Variants in DRC11 observed in about 807,000 individuals in gnomAD.
The protein encoded by DRC11 is dynein regulatory complex subunit 11, also known as IQ and AAA domain-containing protein 1.
chr2:236,326,391 T>C, the DRC11 span, among the ~76,000 whole-genome samples: 2 of 152,234 alleles, frequency 1.3e-5, no homozygotes. Context: ...TTATGGATTT[T>C]ACCTTCTTGT....
At chr2:236,333,495 T>C in the DRC11 span, 1 of 153,540 alleles carries the variant, frequency 6.5e-6, no homozygotes, top group Non-Finnish European at 1.5e-5. The surrounding 1 kb of genome is among the most constrained non-coding windows in gnomAD (Gnocchi z 6.0). Context: ...CGGGTCTGAG[T>C]GGCGACTCTG....
the DRC11 span, among the ~76,000 whole-genome samples, chr2:236,318,984 C>T: frequency 6.6e-6 from 1 of 152,156 alleles, no homozygotes; most frequent in East Asian, 1.9e-4. This position sits in a 1 kb window ranked among gnomAD's most constrained non-coding sequence, Gnocchi z 7.0. Flanking sequence ...ACGTGCAGGG[C>T]ACCCCCAAAG....
the DRC11 span, among the ~76,000 whole-genome samples, chr2:236,443,023 C>A: frequency 6.6e-6 from 1 of 152,158 alleles, no homozygotes; most frequent in Non-Finnish European, 1.5e-5. The surrounding 1 kb of genome is among the most constrained non-coding windows in gnomAD (Gnocchi z 4.4). Flanking sequence ...TGGAGACAAT[C>A]TTCACGTTTT....
chr2:236,368,481 GC>G, the DRC11 span: 2 of 569,426 alleles, frequency 3.5e-6, no homozygotes, highest in Non-Finnish European at 6.3e-6. Flanking sequence ...TTGAAGAAAA[GC>G]TATCCAGGCA....
chr2:236,319,749 G>A, the DRC11 span, among the ~76,000 whole-genome samples: 1 of 152,164 alleles, frequency 6.6e-6, no homozygotes, highest in Non-Finnish European at 1.5e-5. This position sits in a 1 kb window ranked among gnomAD's most constrained non-coding sequence, Gnocchi z 6.7. Flanking sequence ...TTATATAGGC[G>A]CTAGGTGCAG....
the DRC11 span, among the ~76,000 whole-genome samples, chr2:236,424,661 T>G: frequency 6.7e-6 from 1 of 150,352 alleles, no homozygotes; most frequent in Non-Finnish European, 1.5e-5. Flanking sequence ...TTGTGTGTGA[T>G]GAGAACATTT....
At chr2:236,397,132 C>T in the DRC11 span, among the ~76,000 whole-genome samples, 16 of 152,322 alleles carry the variant, frequency 1.1e-4, no homozygotes, top group East Asian at 7.7e-4. This position sits in a 1 kb window ranked among gnomAD's most constrained non-coding sequence, Gnocchi z 5.0. Flanking sequence ...GCGTGTGTAG[C>T]GATCTGGTTT....
the DRC11 span, among the ~76,000 whole-genome samples, chr2:236,355,576 C>G: frequency 7.9e-5 from 12 of 152,140 alleles, no homozygotes; most frequent in Non-Finnish European, 1.8e-4. Context: ...TCCTGTGTCC[C>G]TCTCCCCATG....
chr2:236,433,070 A>C, the DRC11 span, among the ~76,000 whole-genome samples: 1 of 151,150 alleles, frequency 6.6e-6, no homozygotes, highest in African/African-American at 2.4e-5. Flanking sequence ...TTCCGTATGT[A>C]TTTGGGTCTA....
chr2:236,320,808 CTCCCTCCGCCGG>C, the DRC11 span, among the ~76,000 whole-genome samples: 11,125 of 151,698 alleles, frequency 0.073, 591 homozygotes, highest in Non-Finnish European at 0.11. Context: ...GAGTCTACAG[CTCCCTCCGCCGG>C]TCCCTCCGCC....
the DRC11 span, among the ~76,000 whole-genome samples, chr2:236,458,322 T>A: frequency 1.3e-4 from 20 of 152,212 alleles, no homozygotes; most frequent in East Asian, 3.9e-3. Context: ...TATCACACAA[T>A]CTAGAAAATT....
At chr2:236,395,036 G>T in the DRC11 span, among the ~76,000 whole-genome samples, 1 of 152,204 alleles carries the variant, frequency 6.6e-6, no homozygotes, top group Non-Finnish European at 1.5e-5. Context: ...AATCACAAAG[G>T]TGGTAAATTT....
the DRC11 span, among the ~76,000 whole-genome samples, chr2:236,491,190 A>ATATATATATATATATATACACACAG: frequency 1.8e-4 from 6 of 33,920 alleles, no homozygotes; most frequent in African/African-American, 1.1e-3. Flanking sequence ...TACACACAGT[A>ATATATATATATATATATACACACAG]TATATATATA....
the DRC11 span, among the ~76,000 whole-genome samples, chr2:236,490,184 A>G: frequency 6.6e-6 from 1 of 152,184 alleles, no homozygotes; most frequent in Non-Finnish European, 1.5e-5. This position sits in a 1 kb window ranked among gnomAD's most constrained non-coding sequence, Gnocchi z 5.5. Context: ...CAGATGTCAG[A>G]TGCTTTTTTT....
At chr2:236,308,777 C>T in the DRC11 span, among the ~76,000 whole-genome samples, 3 of 152,288 alleles carry the variant, frequency 2.0e-5, no homozygotes, top group East Asian at 5.8e-4. This position sits in a 1 kb window ranked among gnomAD's most constrained non-coding sequence, Gnocchi z 6.0. Flanking sequence ...GGGTTGATAC[C>T]ATATCTTGAC....
At chr2:236,359,370 T>C in the DRC11 span, among the ~76,000 whole-genome samples, 1 of 152,166 alleles carries the variant, frequency 6.6e-6, no homozygotes, top group Non-Finnish European at 1.5e-5. The surrounding 1 kb of genome is among the most constrained non-coding windows in gnomAD (Gnocchi z 4.3). Context: ...CAAAATGGAT[T>C]TGAATTTACA....
the DRC11 span, among the ~76,000 whole-genome samples, chr2:236,347,188 A>G: frequency 3.3e-5 from 5 of 152,288 alleles, no homozygotes; most frequent in East Asian, 9.7e-4. Context: ...TGTGGGGGTG[A>G]TCTGCATTTG....
At chr2:236,358,087 A>G in the DRC11 span, among the ~76,000 whole-genome samples, 2 of 121,010 alleles carry the variant, frequency 1.7e-5, no homozygotes, top group Non-Finnish European at 3.1e-5. Flanking sequence ...TAATATATAG[A>G]TATATACCAT....
At chr2:236,352,878 T>C in the DRC11 span, among the ~76,000 whole-genome samples, 21 of 152,274 alleles carry the variant, frequency 1.4e-4, no homozygotes, top group African/African-American at 4.8e-4. The surrounding 1 kb of genome is among the most constrained non-coding windows in gnomAD (Gnocchi z 7.0). Context: ...GCTGAGAATT[T>C]CCTTAGAATG....
Sources: gnomAD v4.1 joint callset for allele counts (sites outside exome capture counted in the v4.1 genomes callset) on GRCh38, gnomAD v4.1.1 for gene constraint, Gnocchi (gnomAD v3.1) non-coding constraint, MANE v1.5 for transcripts, NCBI Gene and HGNC (gene_info 2026-07-23, HGNC 2026-07-21) for gene names.